DOCK3: variants seen among roughly 807,000 people sequenced by gnomAD.
DOCK3 encodes dedicator of cytokinesis protein 3.
A neutral mutation model predicts 265.6 loss-of-function variants in DOCK3; 60 were observed. The ratio of observed to expected loss-of-function variants is 0.23; its 90% confidence interval spans 0.18 to 0.28. The LOEUF (loss-of-function observed/expected upper bound fraction) is 0.28. Among genes scored for constraint, DOCK3 ranks in the 10% least tolerant of loss-of-function variants. The pLI is 1.00. For missense variants in DOCK3, 1,981 were observed against 2,594.3 expected (o/e 0.76, Z 5.14); for synonymous variants, 881 against 938.0 (o/e 0.94, Z 1.11).
chr3:50,829,342 G>A (rs908557337), intron 2 of DOCK3, among the ~76,000 whole-genome samples: 5 of 152,144 alleles, frequency 3.3e-5, no homozygotes, highest in Non-Finnish European at 7.3e-5. Flanking sequence ...ATGTGGCTCT[G>A]CTCAGCTTGT....
At chr3:51,067,456 T>TGTGCGC (rs1553750450) in intron 6 of DOCK3, among the ~76,000 whole-genome samples, 5 of 150,232 alleles carry the variant, frequency 3.3e-5, no homozygotes, top group African/African-American at 9.9e-5. Context: ...TGTGTGTGTG[T>TGTGCGC]GCGCGCGCGT....
chr3:51,354,210 C>T (rs1281849739), intron 40 of DOCK3, among the ~76,000 whole-genome samples: 1 of 141,426 alleles, frequency 7.1e-6, no homozygotes, highest in Non-Finnish European at 1.5e-5. Context: ...GAATCACACA[C>T]TTGATCACCA....
At chr3:51,330,281 G>T in intron 33 of DOCK3, 58 bp downstream of exon 33, 2 of 1,516,866 alleles carry the variant, frequency 1.3e-6, no homozygotes, top group South Asian at 2.4e-5. Flanking sequence ...GTGGGCCAAT[G>T]AAAAGTAGAG....
intron 51 of DOCK3, among the ~76,000 whole-genome samples, chr3:51,378,680 A>G (rs1391796812): frequency 1.3e-5 from 2 of 152,184 alleles, no homozygotes; most frequent in Admixed American, 6.5e-5. Context: ...AAGAATTCAC[A>G]TGTCCACTGC....
intron 12 of DOCK3, among the ~76,000 whole-genome samples, chr3:51,170,119 A>G (rs776029310): frequency 5.9e-5 from 9 of 152,230 alleles, no homozygotes; most frequent in Non-Finnish European, 8.8e-5. Flanking sequence ...GGAATGTTCA[A>G]CCAGTAAGTA....
At chr3:51,083,951 T>A (rs986883347) in intron 7 of DOCK3, among the ~76,000 whole-genome samples, 2 of 151,980 alleles carry the variant, frequency 1.3e-5, no homozygotes, top group African/African-American at 4.8e-5. Context: ...ACCACTGTAC[T>A]CCAGCCTGGG....
At chr3:51,295,404 A>C (rs931833551) in intron 27 of DOCK3, among the ~76,000 whole-genome samples, 26 of 152,310 alleles carry the variant, frequency 1.7e-4, no homozygotes, top group African/African-American at 6.0e-4. Flanking sequence ...AAGGGAAGGC[A>C]TTTATCTATT....
chr3:51,172,913 ACT>A (rs1209478545), intron 12 of DOCK3, among the ~76,000 whole-genome samples: 3 of 151,114 alleles, frequency 2.0e-5, no homozygotes, highest in East Asian at 1.9e-4. Flanking sequence ...GTGTGTGAAA[ACT>A]CTACACTTTT....
intron 9 of DOCK3, among the ~76,000 whole-genome samples, chr3:51,105,253 G>A (rs771137892): frequency 2.0e-5 from 3 of 152,134 alleles, no homozygotes; most frequent in Non-Finnish European, 4.4e-5. Flanking sequence ...TTTTAAGGAG[G>A]GGCCTGGCAT....
intron 7 of DOCK3, among the ~76,000 whole-genome samples, chr3:51,075,787 G>A (rs1435405198): frequency 6.6e-6 from 1 of 152,066 alleles, no homozygotes; most frequent in Non-Finnish European, 1.5e-5. Flanking sequence ...CCAATTATTA[G>A]GTAATATAGA....
chr3:50,874,100 A>C (rs1304878338), intron 3 of DOCK3, among the ~76,000 whole-genome samples: 1 of 75,884 alleles, frequency 1.3e-5, no homozygotes, highest in Non-Finnish European at 2.5e-5. Context: ...TTGTACTCTT[A>C]GTGGGGTGAT....
chr3:51,156,235 C>T (rs1431435336), intron 10 of DOCK3, among the ~76,000 whole-genome samples: 5 of 152,108 alleles, frequency 3.3e-5, no homozygotes, highest in Non-Finnish European at 5.9e-5. Context: ...TTAACTTTTT[C>T]GTGTTTCAGA....
intron 2 of DOCK3, among the ~76,000 whole-genome samples, chr3:50,828,662 C>G (rs2044929611): frequency 6.6e-6 from 1 of 152,008 alleles, no homozygotes; most frequent in South Asian, 2.1e-4. Context: ...GCCTTGGCCC[C>G]CCAAAGTGCT....
intron 27 of DOCK3, among the ~76,000 whole-genome samples, chr3:51,297,445 C>T (rs983130098): frequency 7.2e-5 from 11 of 151,936 alleles, no homozygotes; most frequent in African/African-American, 2.4e-4. Flanking sequence ...TAGTAAACAC[C>T]TTGTGGTCTA....
chr3:51,177,434 GTTA>G (rs2087019813), intron 12 of DOCK3, among the ~76,000 whole-genome samples: 1 of 152,140 alleles, frequency 6.6e-6, no homozygotes, highest in Non-Finnish European at 1.5e-5. Flanking sequence ...ATTTCTATTA[GTTA>G]AAATTTAGGC....
intron 1 of DOCK3, among the ~76,000 whole-genome samples, chr3:50,712,027 A>T (rs1043522052): frequency 6.6e-6 from 1 of 151,988 alleles, no homozygotes; most frequent in African/African-American, 2.4e-5. Flanking sequence ...TCCATGTCTT[A>T]TTCTTGATTT....
At chr3:50,729,932 C>T (rs1407224281) in intron 1 of DOCK3, among the ~76,000 whole-genome samples, 1 of 150,832 alleles carries the variant, frequency 6.6e-6, no homozygotes, top group East Asian at 1.9e-4. Flanking sequence ...GATTCCCCTG[C>T]CTCAGCCTCC....
chr3:51,310,403 G>A lies in DOCK3; in HGVS notation c.3017+77G>A, dbSNP rs1433839918. 2.3e-6 allele frequency: 3 copies of A among 1,292,984 alleles called. No homozygotes were observed. The East Asian group carries it at 7.5e-5, about 33-fold the overall frequency. 80.1% of individuals were successfully genotyped at this position (1,292,984 alleles called of 1,614,324 possible). Reference sequence around the variant, plus strand: ...GAAGAGTATGTGTATTTCAGAGAGGGAGCACATGAGCAAGACAAATAAAGG... The same window carrying A: ...GAAGAGTATGTGTATTTCAGAGAGGAAGCACATGAGCAAGACAAATAAAGG... On this transcript the variant is annotated intron_variant, in intron 28 of 52. Coordinates refer to ENST00000266037, the MANE Select transcript of DOCK3 (RefSeq NM_004947.5).
chr3:51,336,261 C>T (rs1349024964), intron 35 of DOCK3, among the ~76,000 whole-genome samples: 4 of 151,356 alleles, frequency 2.6e-5, no homozygotes, highest in African/African-American at 9.8e-5. Context: ...CTCAGACACT[C>T]TGTGTCAGAC....
Sources: gnomAD v4.1 joint callset for allele counts (sites outside exome capture counted in the v4.1 genomes callset) on GRCh38, gnomAD v4.1.1 for gene constraint, MANE v1.5 for transcripts, NCBI Gene and HGNC (gene_info 2026-07-23, HGNC 2026-07-21) for gene names.